RFX8: variants seen among roughly 807,000 people sequenced by gnomAD.
The protein encoded by RFX8 is regulatory factor X8, also known as DNA-binding protein RFX8.
In RFX8, 46 loss-of-function variants were observed where a neutral mutation model predicts 54.6. The observed-to-expected ratio is 0.84, with a 90% CI of 0.67 to 1.08. The LOEUF (loss-of-function observed/expected upper bound fraction) is 1.08. Ranked by LOEUF, RFX8 falls within the 50% of genes least tolerant of loss-of-function variation. RFX8 has a pLI of 0.00. For missense variants in RFX8, 536 were observed against 562.3 expected, an observed-to-expected ratio of 0.95 and a Z score of 0.47; for synonymous variants, 192 against 209.5, an observed-to-expected ratio of 0.92 and a Z score of 0.72.
At chr2:101,401,151 G>A (rs1231602413) in intron 11 of RFX8, among the ~76,000 whole-genome samples, 2 of 152,184 alleles carry the variant, frequency 1.3e-5, no homozygotes, top group Non-Finnish European at 2.9e-5. Flanking sequence ...CTACCTCACA[G>A]AGAGCACCGA....
chr2:101,408,768 C>T (rs965963534), intron 9 of RFX8, among the ~76,000 whole-genome samples: 8 of 152,324 alleles, frequency 5.3e-5, no homozygotes, highest in African/African-American at 1.9e-4. Context: ...CTTTCCAGCT[C>T]CTTCCTGAGG....
At chr2:101,453,224 C>T (rs1688791502) in intron 2 of RFX8, among the ~76,000 whole-genome samples, 1 of 150,426 alleles carries the variant, frequency 6.6e-6, no homozygotes, top group African/African-American at 2.5e-5. Context: ...TTGCAGTGAG[C>T]CAAGATCATG....
chr2:101,469,003 CGTATATATATATAGGTATATATATAT>C, intron 1 of RFX8, among the ~76,000 whole-genome samples: 1 of 29,186 alleles, frequency 3.4e-5, no homozygotes, highest in South Asian at 1.2e-3. Context: ...TATATATATA[CGTATATATATATAGGTATATATATAT>C]ACGTATATAT....
chr2:101,461,681 C>G (rs1005794608), intron 2 of RFX8, among the ~76,000 whole-genome samples: 1 of 152,062 alleles, frequency 6.6e-6, no homozygotes. Context: ...AAATACAACA[C>G]AGTTAAAATG....
intron 2 of RFX8, among the ~76,000 whole-genome samples, chr2:101,431,254 T>G (rs1205182899): frequency 6.6e-6 from 1 of 152,212 alleles, no homozygotes; most frequent in Non-Finnish European, 1.5e-5. Context: ...CAAGGTCTGT[T>G]TTCACAGAGG....
intron 1 of RFX8, among the ~76,000 whole-genome samples, chr2:101,471,295 C>T (rs1689974118): frequency 6.6e-6 from 1 of 152,022 alleles, no homozygotes; most frequent in Non-Finnish European, 1.5e-5. Context: ...GATTGTGCCA[C>T]TGCACTCCAG....
At position 101,453,164 on chromosome 2, in the gene RFX8, C is replaced by A. The variant is rs1263385441; in HGVS notation, c.72+13613G>T. ...TGGTGGCACACACCTGTAGTCCCAG[C>A]TACTCTGGAGGCTGAGGCAGGAGAA... On this transcript the variant is annotated intron_variant, in intron 2 of 11. Transcript: ENST00000428343. 1.4e-5 allele frequency among the ~76,000 whole-genome samples: 2 copies of A among 146,512 alleles called. 1 individual carries two copies. Among genetic ancestry groups the A allele is most frequent in the Non-Finnish European group, 3.0e-5 (2 of 66,768 alleles).
chr2:101,468,191 C>A lies in RFX8; in HGVS notation c.-52-1291G>T, dbSNP rs1424270493. Among the ~76,000 whole-genome samples, 4 of 152,328 alleles carry A rather than the reference C, an allele frequency of 2.6e-5. No individual in the cohort carries two copies. The East Asian group carries it at 7.7e-4, about 29-fold the overall frequency. On this transcript the variant is annotated intron_variant, in intron 1 of 11. Transcript: ENST00000428343. ...AATGCTTCCTTGGGGTAACAAATTA[C>A]CACAGGCCCAGTGGCCTCAAACAAC...
chr2:101,474,632 T>G lies in RFX8; in HGVS notation c.-53+4A>C. 1 of 204,638 alleles carries G rather than the reference T, an allele frequency of 4.9e-6. No individual in the cohort carries two copies. Among genetic ancestry groups the G allele is most frequent in the Non-Finnish European group, 9.8e-6 (1 of 102,400 alleles). 12.7% of individuals were successfully genotyped at this position (204,638 alleles called of 1,614,324 possible). A position where few individuals can be genotyped will look rare whatever the true frequency, so the allele number is the denominator to read the frequency against. On this transcript the variant is annotated splice_donor_region_variant and intron_variant, in intron 1 of 11. Coordinates refer to ENST00000428343, the MANE Select transcript of RFX8 (RefSeq NM_001145664.2). The stretch of plus-strand genomic sequence containing the variant: ...AGGGACGCGAACAACAAGCACCAAC[T>G]TACACCTTTTCCAATCTGGTCGCGG...
At chr2:101,455,519 T>C (rs1469710200) in intron 2 of RFX8, among the ~76,000 whole-genome samples, 2 of 152,168 alleles carry the variant, frequency 1.3e-5, no homozygotes, top group Admixed American at 6.6e-5. Context: ...AAAGATCAGA[T>C]GGTTGTAGAT....
chr2:101,469,015 TA>T (rs1689749540), intron 1 of RFX8, among the ~76,000 whole-genome samples: 3 of 25,882 alleles, frequency 1.2e-4, no homozygotes, highest in East Asian at 1.7e-3. Flanking sequence ...TATATATATA[TA>T]GGTATATATA....
At chr2:101,441,401 G>A (rs1330708186) in intron 2 of RFX8, among the ~76,000 whole-genome samples, 11 of 152,198 alleles carry the variant, frequency 7.2e-5, no homozygotes, top group Admixed American at 7.2e-4. Flanking sequence ...TCATGGGAAT[G>A]AGACTGGTGG....
At chr2:101,463,593 C>T (rs947980693) in intron 2 of RFX8, among the ~76,000 whole-genome samples, 12 of 152,324 alleles carry the variant, frequency 7.9e-5, no homozygotes, top group South Asian at 2.1e-4. Flanking sequence ...GACAGCCTGC[C>T]GGGCAGGCAG....
chr2:101,416,523 G>A (rs7564703), intron 6 of RFX8, among the ~76,000 whole-genome samples: 142,140 of 152,172 alleles, frequency 0.93, 66,761 homozygotes, highest in Non-Finnish European at 0.99. Context: ...CTACCTAGGA[G>A]ATAATTGCAA....
intron 2 of RFX8, among the ~76,000 whole-genome samples, chr2:101,442,247 T>A (rs1410409609): frequency 1.3e-5 from 2 of 152,214 alleles, no homozygotes; most frequent in Non-Finnish European, 2.9e-5. Context: ...GAGGCCTGAT[T>A]TTTGTTTCAT....
chr2:101,428,397 C>T (rs963981112), intron 2 of RFX8, among the ~76,000 whole-genome samples: 13 of 152,268 alleles, frequency 8.5e-5, no homozygotes, highest in Admixed American at 7.2e-4. Flanking sequence ...GATGAGGAGT[C>T]GTCTGCAACC....
At chr2:101,410,002 G>A (rs1164458195) in intron 9 of RFX8, among the ~76,000 whole-genome samples, 9 of 152,106 alleles carry the variant, frequency 5.9e-5, no homozygotes, top group Non-Finnish European at 7.3e-5. Flanking sequence ...TATCGACAAC[G>A]AAACCATCTT....
chr2:101,438,725 C>T (rs1687918986), intron 2 of RFX8, among the ~76,000 whole-genome samples: 1 of 152,200 alleles, frequency 6.6e-6, no homozygotes, highest in African/African-American at 2.4e-5. Flanking sequence ...TCTCTACATC[C>T]TTGCTGGCAT....
At chr2:101,416,244 A>G (rs565463473) in intron 6 of RFX8, among the ~76,000 whole-genome samples, 2 of 152,334 alleles carry the variant, frequency 1.3e-5, no homozygotes, top group South Asian at 4.1e-4. Context: ...GAAGTAGCCT[A>G]CAGAATGAAG....
Sources: allele counts gnomAD v4.1 joint callset (sites outside exome capture counted in the v4.1 genomes callset), GRCh38; gene constraint gnomAD v4.1.1; transcripts MANE v1.5; gene names NCBI Gene and HGNC (gene_info 2026-07-23, HGNC 2026-07-21).